The following CREB5 variants were observed in gnomAD, a reference collection of about 807,000 sequenced individuals.
CREB5 encodes the protein cAMP responsive element binding protein 5.
In CREB5, 19 loss-of-function variants were observed where a neutral mutation model predicts 57.1. That is an observed-to-expected ratio of 0.33 (90% CI 0.23 to 0.49). The LOEUF is 0.49. Ranked by LOEUF, CREB5 falls within the 20% of genes least tolerant of loss-of-function variation. The pLI is 0.99. For missense variants in CREB5, 579 were observed against 671.6 expected (o/e 0.86, Z 1.52); for synonymous variants, 238 against 238.3 (o/e 1.00, Z 0.01).
At chr7:28,729,225 C>A (rs1206923776) in intron 7 of CREB5, among the ~76,000 whole-genome samples, 3 of 152,134 alleles carry the variant, frequency 2.0e-5, no homozygotes, top group Non-Finnish European at 4.4e-5. Flanking sequence ...AGTGAGGACA[C>A]CGAGGCCCAC....
chr7:28,812,521 G>GA (rs1188994503), intron 9 of CREB5, among the ~76,000 whole-genome samples: 12 of 151,330 alleles, frequency 7.9e-5, no homozygotes, highest in South Asian at 6.3e-4. Context: ...CCCAAAACCA[G>GA]AAAAAAAGAT....
chr7:28,481,927 GTAAT>G (rs1351760652), intron 1 of CREB5, among the ~76,000 whole-genome samples: 1 of 152,086 alleles, frequency 6.6e-6, no homozygotes. Flanking sequence ...CAAACACAAA[GTAAT>G]TGATTTTCTT....
chr7:28,339,885 C>G (rs1785899702), intron 1 of CREB5, among the ~76,000 whole-genome samples: 1 of 152,190 alleles, frequency 6.6e-6, no homozygotes, highest in Non-Finnish European at 1.5e-5. Context: ...CCCCTTTCCT[C>G]AGGAAAAGGA....
At chr7:28,322,505 T>G (rs1256828863) in intron 1 of CREB5, among the ~76,000 whole-genome samples, 1 of 152,200 alleles carries the variant, frequency 6.6e-6, no homozygotes, top group African/African-American at 2.4e-5. Flanking sequence ...GGTACACATG[T>G]GCCATGGTGG....
intron 5 of CREB5, chr7:28,686,104 A>T: frequency 6.2e-7 from 1 of 1,608,884 alleles, no homozygotes; most frequent in East Asian, 2.2e-5. Context: ...CACTCAAGCT[A>T]GTTAAGCTTT....
At chr7:28,649,507 G>T (rs1799041793) in intron 5 of CREB5, among the ~76,000 whole-genome samples, 1 of 152,132 alleles carries the variant, frequency 6.6e-6, no homozygotes. Flanking sequence ...TTACTATCTG[G>T]CACTTTACAA....
intron 5 of CREB5, among the ~76,000 whole-genome samples, chr7:28,705,725 C>A (rs10951201): frequency 0.44 from 66,337 of 152,098 alleles, 15,107 homozygotes; most frequent in African/African-American, 0.55. Flanking sequence ...TCTGAGGAAT[C>A]ATTTGAGAAA....
intron 1 of CREB5, among the ~76,000 whole-genome samples, chr7:28,390,843 C>T (rs1407829310): frequency 1.3e-5 from 2 of 152,200 alleles, no homozygotes; most frequent in African/African-American, 4.8e-5. Flanking sequence ...AATGCTTTCC[C>T]TGGCAATTGA....
At chr7:28,679,751 G>A (rs1252594700) in intron 5 of CREB5, among the ~76,000 whole-genome samples, 1 of 152,140 alleles carries the variant, frequency 6.6e-6, no homozygotes, top group Admixed American at 6.5e-5. Context: ...AGGTCATGAG[G>A]AACACCTGGA....
intron 4 of CREB5, among the ~76,000 whole-genome samples, chr7:28,516,684 G>GA (rs1006199235): frequency 5.3e-5 from 8 of 151,980 alleles, no homozygotes; most frequent in Non-Finnish European, 1.2e-4. Flanking sequence ...AAGGTCTGGG[G>GA]AAAAGGTAGC....
intron 1 of CREB5, among the ~76,000 whole-genome samples, chr7:28,397,773 G>A (rs1179017006): frequency 6.6e-6 from 1 of 152,112 alleles, no homozygotes; most frequent in African/African-American, 2.4e-5. Context: ...CCTGTCCCAT[G>A]TGTCTCATTT....
chr7:28,327,008 G>T lies in CREB5; in HGVS notation c.-25+27567G>T, dbSNP rs569565596. ...AGTAAAAATACAAAAAATTAGCCGG[G>T]CGTGGTGGCAGATGCCTGTAATCCC... is the stretch of plus-strand genomic sequence containing the variant. On this transcript the variant is annotated intron_variant, in intron 1 of 9. Transcript: ENST00000396299. Among the ~76,000 whole-genome samples the T allele has an allele frequency of 2.2e-4, 34 of 152,118 alleles. 2 individuals carry two copies. The highest frequency in any genetic ancestry group is 8.2e-4 in the African/African-American group (34 of 41,476).
intron 5 of CREB5, among the ~76,000 whole-genome samples, chr7:28,654,215 A>C (rs1799247137): frequency 6.6e-6 from 1 of 152,194 alleles, no homozygotes; most frequent in Non-Finnish European, 1.5e-5. Flanking sequence ...GCAATTAGTA[A>C]AGGCTTGCCA....
chr7:28,438,680 C>A (rs1457508314), intron 1 of CREB5, among the ~76,000 whole-genome samples: 1 of 152,112 alleles, frequency 6.6e-6, no homozygotes, highest in Non-Finnish European at 1.5e-5. Flanking sequence ...ACACGTTAAC[C>A]TTTTGGAAAT....
chr7:28,392,667 A>G (rs1787245224), intron 1 of CREB5, among the ~76,000 whole-genome samples: 1 of 151,962 alleles, frequency 6.6e-6, no homozygotes, highest in Admixed American at 6.6e-5. Context: ...CCTTTCATAG[A>G]CTCTTAGAAT....
At chr7:28,699,186 T>G (rs993861865) in intron 5 of CREB5, among the ~76,000 whole-genome samples, 1 of 152,032 alleles carries the variant, frequency 6.6e-6, no homozygotes, top group Non-Finnish European at 1.5e-5. Context: ...TCTTTTTTTT[T>G]TTTTCATTTG....
intron 5 of CREB5, among the ~76,000 whole-genome samples, chr7:28,608,113 TCACACACACTCACACACACACACACACA>T (rs1797228554): frequency 7.0e-6 from 1 of 143,070 alleles, no homozygotes; most frequent in Non-Finnish European, 1.5e-5. Flanking sequence ...TCTCTCTCTC[TCACACACACTCACACACACACACACACA>T]CACACACACA....
chr7:28,469,353 T>A (rs887976478), intron 1 of CREB5, among the ~76,000 whole-genome samples: 1 of 152,238 alleles, frequency 6.6e-6, no homozygotes, highest in African/African-American at 2.4e-5. Context: ...GGGAACAACA[T>A]AGAGACAGAG....
intron 7 of CREB5, among the ~76,000 whole-genome samples, chr7:28,735,669 G>GA (rs752165249): frequency 6.6e-6 from 1 of 152,136 alleles, no homozygotes; most frequent in Non-Finnish European, 1.5e-5. Context: ...CCCTGAGGGG[G>GA]AGGGATCTGA....
Sources: allele counts gnomAD v4.1 joint callset (sites outside exome capture counted in the v4.1 genomes callset), GRCh38; gene constraint gnomAD v4.1.1; transcripts MANE v1.5; gene names NCBI Gene and HGNC (gene_info 2026-07-23, HGNC 2026-07-21).